The following ADAMTS19 variants were observed in gnomAD, a reference collection of about 807,000 sequenced individuals.
The protein encoded by ADAMTS19 is ADAM metallopeptidase with thrombospondin type 1 motif 19.
A neutral mutation model predicts 153.3 loss-of-function variants in ADAMTS19; 93 were observed. The observed-to-expected ratio is 0.61, with a 90% confidence interval of 0.51 to 0.72. The LOEUF is 0.72. ADAMTS19 is among the 30% of genes least tolerant of loss of function. ADAMTS19 has a pLI of 0.00. For missense variants in ADAMTS19, 1,482 were observed against 1,552.1 expected (o/e 0.95, Z 0.76); for synonymous variants, 600 against 556.6 (o/e 1.08, Z -1.10).
chr5:129,492,247 G>A (rs1750791872), intron 2 of ADAMTS19, among the ~76,000 whole-genome samples: 1 of 152,138 alleles, frequency 6.6e-6, no homozygotes, highest in Non-Finnish European at 1.5e-5. Flanking sequence ...ATTCATTATT[G>A]TGAGAACAGT....
intron 7 of ADAMTS19, among the ~76,000 whole-genome samples, chr5:129,595,084 A>G (rs549262026): frequency 6.6e-6 from 1 of 152,236 alleles, no homozygotes; most frequent in Non-Finnish European, 1.5e-5. Flanking sequence ...TCATGTAGTT[A>G]TGTTTCTAAA....
intron 13 of ADAMTS19, among the ~76,000 whole-genome samples, chr5:129,652,984 A>G (rs1753381805): frequency 6.6e-6 from 1 of 152,212 alleles, no homozygotes; most frequent in African/African-American, 2.4e-5. Context: ...GAAAATTTCA[A>G]AACCATGCAC....
chr5:129,642,772 C>T (rs1367453358), intron 11 of ADAMTS19, among the ~76,000 whole-genome samples: 2 of 152,110 alleles, frequency 1.3e-5, no homozygotes, highest in Non-Finnish European at 2.9e-5. Flanking sequence ...TGGTGAAATA[C>T]TTGAAGAAAA....
At chr5:129,558,642 G>A (rs1753396345) in intron 7 of ADAMTS19, among the ~76,000 whole-genome samples, 1 of 152,020 alleles carries the variant, frequency 6.6e-6, no homozygotes, top group South Asian at 2.1e-4. Flanking sequence ...GAACTAGATA[G>A]GATGATTCTA....
intron 18 of ADAMTS19, among the ~76,000 whole-genome samples, chr5:129,687,208 G>T (rs983549498): frequency 7.9e-5 from 12 of 152,270 alleles, no homozygotes; most frequent in Admixed American, 6.5e-4. Flanking sequence ...CTACCAACAA[G>T]CGCCCATCTT....
At position 129,684,193 on chromosome 5, in the gene ADAMTS19, A is replaced by T. The variant is rs1163577497; in HGVS notation, c.2738A>T (p.Asn913Ile). Residue 913 changes from asparagine (N) to isoleucine (I), a missense_variant, in exon 18 of 23, where the codon AAC becomes ATC. Asn to Ile is a moderately radical substitution (Grantham distance 149). Coordinates refer to ENST00000274487, the MANE Select transcript of ADAMTS19 (RefSeq NM_133638.6). ...YTIPSDPLPE[N>I]QSSKAPEPLF... ...ATCCCATCAGACCCTCTTCCAGAAA[A>T]CCAGAGCTCTAAAGCACCTGAGCCC... 1 of 1,614,148 alleles carries T rather than the reference A, an allele frequency of 6.2e-7. No individual in the cohort carries two copies. Among genetic ancestry groups the T allele is most frequent in the East Asian group, 2.2e-5 (1 of 44,868 alleles).
Position 129,461,522 on chromosome 5 carries a change from T to C in ADAMTS19, c.512T>C (p.Val171Ala). ...CATGCCGAGCCGGATGGCGACGAAG[T>C]GTTGCTGCGGATCCCGGCCTTCTCT... ...AQHAEPDGDE[V>A]LLRIPAFSRD... The change falls in exon 2 of 23, where the codon GTG (valine) becomes GCG (alanine). Residue 171 changes from valine to alanine, a missense_variant. This residue lies in a region of ADAMTS19 where 866 missense variants were observed against 827.7 expected (regional missense o/e 1.05). Coordinates refer to ENST00000274487, the MANE Select transcript of ADAMTS19 (RefSeq NM_133638.6). The surrounding 1 kb of genome is among the most constrained non-coding windows in gnomAD (Gnocchi z 4.6). 2.0e-6 allele frequency: 3 copies of C among 1,524,774 alleles called. No homozygotes were observed. In the Middle Eastern group the frequency reaches 5.3e-4, roughly 272 times the overall value. The allele number at this position is 1,524,774 out of a possible 1,614,324, so 94.5% of individuals were successfully genotyped here.
chr5:129,648,658 C>T, intron 12 of ADAMTS19, 140 bp from the exon 13 acceptor site: 1 of 523,536 alleles, frequency 1.9e-6, no homozygotes, highest in Non-Finnish European at 3.2e-6. Context: ...TTTGCTACTA[C>T]TATCATTTAA....
intron 18 of ADAMTS19, 102 bp from the exon 19 acceptor site, chr5:129,694,618 G>A: frequency 1.2e-6 from 1 of 836,560 alleles, no homozygotes; most frequent in Non-Finnish European, 1.6e-6. Flanking sequence ...TTATAAAAAA[G>A]TTTTTTAAAT....
chr5:129,669,351 T>C (rs2127091653), intron 16 of ADAMTS19, among the ~76,000 whole-genome samples: 1 of 152,198 alleles, frequency 6.6e-6, no homozygotes, highest in South Asian at 2.1e-4. Context: ...TAGGTTTTGT[T>C]TTGGGAAGTT....
intron 17 of ADAMTS19, among the ~76,000 whole-genome samples, chr5:129,681,481 T>A (rs992153291): frequency 2.0e-5 from 3 of 152,342 alleles, no homozygotes; most frequent in South Asian, 2.1e-4. Flanking sequence ...AAGTGCTTTA[T>A]GTTCATTATA....
intron 8 of ADAMTS19, among the ~76,000 whole-genome samples, chr5:129,599,379 A>T (rs1346415444): frequency 6.6e-6 from 1 of 152,198 alleles, no homozygotes; most frequent in Non-Finnish European, 1.5e-5. Flanking sequence ...CATAAAATAC[A>T]GATTTATGAA....
chr5:129,460,985 G>A, intron 1 of ADAMTS19, 117 bp from the exon 2 acceptor site: 2 of 1,242,724 alleles, frequency 1.6e-6, no homozygotes, highest in Non-Finnish European at 2.0e-6. Flanking sequence ...CTAGACGGGT[G>A]GTCTCCATTG....
chr5:129,537,250 G>A (rs1311907648), intron 6 of ADAMTS19, among the ~76,000 whole-genome samples: 1 of 151,988 alleles, frequency 6.6e-6, no homozygotes, highest in Non-Finnish European at 1.5e-5. Flanking sequence ...CAGTTAGAAT[G>A]GCAATCATTA....
rs30678 is a variant in ADAMTS19, at chr5:129,648,121, C to G, written c.2003+226C>G. Reference sequence around the variant, plus strand: ...TAATGAAAGCTATAAAAGGTTATTTCTTGAGTAAATCTATAAAATATTTCA... The same window carrying G: ...TAATGAAAGCTATAAAAGGTTATTTGTTGAGTAAATCTATAAAATATTTCA... On this transcript the variant is annotated intron_variant, in intron 12 of 22. Transcript: ENST00000274487. Among the ~76,000 whole-genome samples, 3 of 152,116 alleles carry G rather than the reference C, an allele frequency of 2.0e-5. No individual in the cohort carries two copies. In the East Asian group the frequency reaches 5.8e-4, roughly 29 times the overall value.
chr5:129,730,944 T>A (rs981539052), intron 21 of ADAMTS19, among the ~76,000 whole-genome samples: 11 of 149,136 alleles, frequency 7.4e-5, no homozygotes, highest in Non-Finnish European at 1.3e-4. Flanking sequence ...TTTTGTTTTG[T>A]TTTGTTTTGT....
intron 3 of ADAMTS19, among the ~76,000 whole-genome samples, chr5:129,518,304 C>G (rs1751681252): frequency 6.6e-6 from 1 of 152,080 alleles, no homozygotes; most frequent in South Asian, 2.1e-4. Context: ...TTTGTACCTT[C>G]AGATGATTAT....
chr5:129,489,939 TTTCC>T, intron 2 of ADAMTS19, among the ~76,000 whole-genome samples: 1 of 152,320 alleles, frequency 6.6e-6, no homozygotes, highest in South Asian at 2.1e-4. Context: ...ATAGAAAATG[TTTCC>T]TTCCATGCAT....
rs1030203648 is a variant in ADAMTS19, at chr5:129,602,114, C to T, written c.1478+5450C>T. 5.3e-5 allele frequency among the ~76,000 whole-genome samples: 8 copies of T among 152,232 alleles called. No individual in the cohort carries two copies. The East Asian group carries it at 9.7e-4, about 18-fold the overall frequency. On this transcript the variant is annotated intron_variant, in intron 8 of 22. Coordinates refer to ENST00000274487, the MANE Select transcript of ADAMTS19 (RefSeq NM_133638.6). ...CAATTTTATTTTATTTTTTTTGAGA[C>T]GGAGTTTCACTCTTGTTGCCCAGGC...
Sources: allele counts gnomAD v4.1 joint callset (sites outside exome capture counted in the v4.1 genomes callset), GRCh38; gene constraint gnomAD v4.1.1; regional missense constraint gnomAD v4.1.1; non-coding constraint Gnocchi (gnomAD v3.1); transcripts MANE v1.5; gene names NCBI Gene and HGNC (gene_info 2026-07-23, HGNC 2026-07-21).